The following ANKRD11 variants were observed in gnomAD, a reference collection of about 807,000 sequenced individuals.
The protein encoded by ANKRD11 is ankyrin repeat domain 11, also known as ankyrin repeat domain-containing protein 11.
Under a neutral mutation model 195.7 loss-of-function variants are expected in ANKRD11, and 17 were observed. The ratio of observed to expected loss-of-function variants is 0.09; its 90% CI spans 0.06 to 0.13. The LOEUF (loss-of-function observed/expected upper bound fraction) is 0.13. ANKRD11 is among the 10% of genes least tolerant of loss of function. The pLI, the probability that ANKRD11 is intolerant of heterozygous loss-of-function variation, is 1.00. For synonymous variants in ANKRD11, 1,953 were observed against 1,528.1 expected, an observed-to-expected ratio of 1.28 and a Z score of -6.49; for missense variants, 3,735 against 3,566.1, an observed-to-expected ratio of 1.05 and a Z score of -1.21.
chr16:89,360,151 T>C (rs546546656), intron 2 of ANKRD11, among the ~76,000 whole-genome samples: 49 of 152,310 alleles, frequency 3.2e-4, no homozygotes, highest in Non-Finnish European at 6.0e-4. Context: ...AGTCAGAACA[T>C]GTAGTATTTG....
At chr16:89,477,351 C>T (rs1295401319) in intron 1 of ANKRD11, among the ~76,000 whole-genome samples, 2 of 151,714 alleles carry the variant, frequency 1.3e-5, no homozygotes, top group African/African-American at 4.8e-5. Context: ...GGCCACCACG[C>T]GTAATTTCTT....
intron 1 of ANKRD11, among the ~76,000 whole-genome samples, chr16:89,482,057 C>T (rs1010304867): frequency 6.6e-6 from 1 of 152,138 alleles, no homozygotes; most frequent in South Asian, 2.1e-4. Flanking sequence ...ATCTTTCTCC[C>T]AGATCTCAGA....
At chr16:89,345,137 A>C (rs2038877064) in intron 2 of ANKRD11, among the ~76,000 whole-genome samples, 1 of 152,210 alleles carries the variant, frequency 6.6e-6, no homozygotes, top group African/African-American at 2.4e-5. Flanking sequence ...AGCATCCACC[A>C]GGAAATGGAA....
intron 2 of ANKRD11, among the ~76,000 whole-genome samples, chr16:89,359,787 A>G (rs1287941595): frequency 6.6e-6 from 1 of 152,214 alleles, no homozygotes; most frequent in Non-Finnish European, 1.5e-5. Context: ...ACTACATTCT[A>G]TGTGATGCAG....
At chr16:89,278,203 G>A (rs1176839558) in intron 9 of ANKRD11, 2 of 313,444 alleles carry the variant, frequency 6.4e-6, no homozygotes, top group African/African-American at 2.2e-5. Context: ...CTGAGAACAG[G>A]AGGGCAGGGG....
At chr16:89,467,602 G>A (rs539594136) in intron 1 of ANKRD11, among the ~76,000 whole-genome samples, 3 of 152,088 alleles carry the variant, frequency 2.0e-5, no homozygotes, top group African/African-American at 7.2e-5. Context: ...CTGGTCTCAA[G>A]TGATCCCCCG....
chr16:89,314,186 A>G (rs1289601895), intron 3 of ANKRD11, among the ~76,000 whole-genome samples: 1 of 152,126 alleles, frequency 6.6e-6, no homozygotes, highest in East Asian at 1.9e-4. Context: ...TGGAGGGTGC[A>G]GAAGTTGCAG....
intron 1 of ANKRD11, among the ~76,000 whole-genome samples, chr16:89,422,969 C>T (rs761011930): frequency 9.8e-5 from 15 of 152,286 alleles, no homozygotes; most frequent in African/African-American, 2.6e-4. Flanking sequence ...GTCTTCAATC[C>T]GCTAAGATGA....
chr16:89,451,284 T>C (rs986225849), intron 1 of ANKRD11, among the ~76,000 whole-genome samples: 2 of 152,146 alleles, frequency 1.3e-5, no homozygotes, highest in Non-Finnish European at 2.9e-5. Flanking sequence ...GACAAATCAA[T>C]GGAGACAGAT....
intron 1 of ANKRD11, among the ~76,000 whole-genome samples, chr16:89,435,460 T>A (rs1366729017): frequency 5.9e-5 from 9 of 152,136 alleles, no homozygotes; most frequent in Non-Finnish European, 1.2e-4. Flanking sequence ...GGGTCTGTAC[T>A]ACCTTTATGA....
intron 2 of ANKRD11, among the ~76,000 whole-genome samples, chr16:89,415,544 G>A (rs1201496095): frequency 6.6e-6 from 1 of 151,848 alleles, no homozygotes; most frequent in Non-Finnish European, 1.5e-5. Flanking sequence ...GATTACAGGT[G>A]TGAGCCACTG....
At chr16:89,407,642 G>A (rs994791862) in intron 2 of ANKRD11, among the ~76,000 whole-genome samples, 4 of 152,080 alleles carry the variant, frequency 2.6e-5, no homozygotes, top group Non-Finnish European at 5.9e-5. Flanking sequence ...GTAACACGGC[G>A]AGACGCCGTC....
Position 89,279,396 on chromosome 16 carries a change from C to T in ANKRD11, c.7146G>A (p.Gln2382=). 3 of 1,552,592 alleles carry T rather than the reference C, an allele frequency of 1.9e-6. No homozygotes were observed. Among genetic ancestry groups the T allele is most frequent in the Non-Finnish European group, 2.6e-6 (3 of 1,152,318 alleles). The change falls in exon 9 of 13, where the codon CAG becomes CAA. Residue 2382 remains glutamine (Q), a synonymous_variant. Transcript: ENST00000301030. The surrounding 1 kb of genome is among the most constrained non-coding windows in gnomAD (Gnocchi z 5.6). ...GCTGAAAGCGGCGTTTGCGCGGATGCTGGGCCTGGGCGTCGTCGTCCTCGG... is the reference window on the plus strand; with the variant it reads ...GCTGAAAGCGGCGTTTGCGCGGATGTTGGGCCTGGGCGTCGTCGTCCTCGG... The part of the protein sequence containing the change: ...RGSEDDDAQA[Q]HPRKRRFQRS...
Position 89,275,040 on chromosome 16 carries a change from C to T in ANKRD11, c.7569+53G>A, listed in dbSNP as rs575149376. 97 of 1,612,396 alleles carry T rather than the reference C, an allele frequency of 6.0e-5. No individual in the cohort carries two copies. The African/African-American group carries it at 7.2e-4, about 12-fold the overall frequency. On this transcript the variant is annotated intron_variant, in intron 10 of 12. Transcript: ENST00000301030. ...TCAACACGACAGCCCCTGGGGCCTG[C>T]GCCGTGAAAAGCCCTGGCCGTGGCG...
At chr16:89,441,640 A>G (rs967475311) in intron 1 of ANKRD11, among the ~76,000 whole-genome samples, 45 of 150,526 alleles carry the variant, frequency 3.0e-4, no homozygotes, top group Admixed American at 1.8e-3. Context: ...GGTGGTGGGC[A>G]CCTGCAGTCC....
At chr16:89,269,668 A>G (rs987856233) in intron 12 of ANKRD11, among the ~76,000 whole-genome samples, 2 of 151,962 alleles carry the variant, frequency 1.3e-5, no homozygotes, top group East Asian at 1.9e-4. Flanking sequence ...CAGTGGTGCA[A>G]TCTTGGCTTA....
At chr16:89,313,614 C>A (rs1233379591) in intron 3 of ANKRD11, 1 of 1,287,392 alleles carries the variant, frequency 7.8e-7, no homozygotes, top group Non-Finnish European at 1.0e-6. Flanking sequence ...TTTTTGATAA[C>A]ATAAAGCTAT....
rs1439069684 is a variant in ANKRD11 at position 89,282,236 on chromosome 16, C to T, written c.4306G>A (p.Glu1436Lys). Residue 1436 changes from glutamate to lysine, a missense_variant, in exon 9 of 13, where the codon GAA becomes AAA. Physicochemically the swap from Glu to Lys is moderately conservative, Grantham distance 56. Coordinates refer to ENST00000301030, the MANE Select transcript of ANKRD11 (RefSeq NM_013275.6). ...EKKDKNDSER[E>K]PSKKIEKELK... ...TCCTTTTCTATTTTCTTGGAAGGTT[C>T]TCTCTCGGAATCATTTTTATCTTTC... is the stretch of plus-strand genomic sequence containing the variant. 1.2e-6 allele frequency: 2 copies of T among 1,613,872 alleles called. No homozygotes were observed. Among genetic ancestry groups the T allele is most frequent in the Non-Finnish European group, 1.7e-6 (2 of 1,180,004 alleles).
At chr16:89,293,607 G>C (rs2035216834) in intron 4 of ANKRD11, among the ~76,000 whole-genome samples, 1 of 136,178 alleles carries the variant, frequency 7.3e-6, no homozygotes. Context: ...TGGGGCTGCG[G>C]AGGGAGGAGC....
Sources: allele counts gnomAD v4.1 joint callset (sites outside exome capture counted in the v4.1 genomes callset), GRCh38; gene constraint gnomAD v4.1.1; non-coding constraint Gnocchi (gnomAD v3.1); transcripts MANE v1.5; gene names NCBI Gene and HGNC (gene_info 2026-07-23, HGNC 2026-07-21).